PLEKHA5: variants seen among roughly 807,000 people sequenced by gnomAD.
PLEKHA5 encodes the protein pleckstrin homology domain containing A5.
PLEKHA5 carries 55 observed loss-of-function variants against 181.9 expected under a neutral mutation model. That is an observed-to-expected ratio of 0.30 (90% confidence interval 0.24 to 0.38). PLEKHA5 has a LOEUF of 0.38. PLEKHA5 is among the 10% of genes least tolerant of loss of function. The probability of loss-of-function intolerance (pLI) is 1.00; values close to 1 mark genes in which losing one functional copy is unlikely to be tolerated. For synonymous variants in PLEKHA5, 535 were observed against 529.4 expected, an observed-to-expected ratio of 1.01 and a Z score of -0.15; for missense variants, 1,432 against 1,549.5, an observed-to-expected ratio of 0.92 and a Z score of 1.27.
chr12:19,324,289 T>G (rs1389840920), intron 20 of PLEKHA5, among the ~76,000 whole-genome samples: 1 of 152,238 alleles, frequency 6.6e-6, no homozygotes, highest in African/African-American at 2.4e-5. Flanking sequence ...TTTGAGGAAT[T>G]CTTAAATACC....
chr12:19,318,696 G>C (rs1189767528), intron 16 of PLEKHA5, among the ~76,000 whole-genome samples: 2 of 152,164 alleles, frequency 1.3e-5, no homozygotes, highest in Non-Finnish European at 2.9e-5. Context: ...GCCAAGATGG[G>C]AGGATCACTT....
At chr12:19,314,695 GT>G in intron 15 of PLEKHA5, 118 bp from the exon 16 acceptor site, 1 of 691,714 alleles carries the variant, frequency 1.4e-6, no homozygotes, top group South Asian at 1.5e-5. Context: ...GGGGTAAAAT[GT>G]AAACAACTGC....
chr12:19,172,634 T>G (rs1436657945), intron 3 of PLEKHA5, among the ~76,000 whole-genome samples: 1 of 152,250 alleles, frequency 6.6e-6, no homozygotes, highest in Non-Finnish European at 1.5e-5. Context: ...GACAACTGTT[T>G]GCTTGATTAA....
chr12:19,199,601 C>T (rs774363969), intron 3 of PLEKHA5, among the ~76,000 whole-genome samples: 1 of 152,122 alleles, frequency 6.6e-6, no homozygotes, highest in Non-Finnish European at 1.5e-5. Context: ...CAGTAGCCAA[C>T]CACACTTAGA....
intron 3 of PLEKHA5, among the ~76,000 whole-genome samples, chr12:19,162,715 A>G (rs568052881): frequency 1.5e-4 from 23 of 152,290 alleles, no homozygotes; most frequent in Non-Finnish European, 2.8e-4. Flanking sequence ...AAGTCATTCA[A>G]TCTCCCTGCC....
chr12:19,195,203 C>G (rs1261607476), intron 3 of PLEKHA5, among the ~76,000 whole-genome samples: 1 of 152,156 alleles, frequency 6.6e-6, no homozygotes, highest in East Asian at 1.9e-4. Context: ...TCTCTCCATA[C>G]CACACTGCTA....
chr12:19,188,718 G>T (rs1028070866), intron 3 of PLEKHA5, among the ~76,000 whole-genome samples: 5 of 152,120 alleles, frequency 3.3e-5, no homozygotes, highest in African/African-American at 9.7e-5. Context: ...AAAGACAAAA[G>T]AACAGATTTA....
intron 15 of PLEKHA5, among the ~76,000 whole-genome samples, chr12:19,298,752 A>T (rs1219636584): frequency 1.3e-5 from 2 of 152,158 alleles, no homozygotes; most frequent in Non-Finnish European, 2.9e-5. Flanking sequence ...AATGGTTCAG[A>T]ATATCAGTTG....
intron 3 of PLEKHA5, among the ~76,000 whole-genome samples, chr12:19,160,787 A>G (rs186869754): frequency 6.6e-6 from 1 of 152,238 alleles, no homozygotes; most frequent in East Asian, 1.9e-4. Context: ...TGCTGGGTCA[A>G]TGTATGTTTT....
Position 19,141,603 on chromosome 12 carries a change from G to T in PLEKHA5, c.227+9153G>T, listed in dbSNP as rs2037328705. 3.9e-5 allele frequency among the ~76,000 whole-genome samples: 6 copies of T among 152,344 alleles called. No individual in the cohort carries two copies. The South Asian group carries it at 1.2e-3, about 32-fold the overall frequency. ...GATATTCAGGGAAGCTTTTTGCCTT[G>T]TGTTGCAGAAGTAATAGTTGAAGTT... On this transcript the variant is annotated intron_variant, in intron 3 of 31. Transcript: ENST00000429027.
chr12:19,238,160 A>G (rs913700650), intron 3 of PLEKHA5, among the ~76,000 whole-genome samples: 1 of 152,040 alleles, frequency 6.6e-6, no homozygotes, highest in African/African-American at 2.4e-5. Context: ...TTGCTACTCT[A>G]GTTTTCAAGT....
At chr12:19,355,128 A>G (rs537329376) in intron 26 of PLEKHA5, among the ~76,000 whole-genome samples, 1 of 152,298 alleles carries the variant, frequency 6.6e-6, no homozygotes, top group South Asian at 2.1e-4. Flanking sequence ...TTACATTTTC[A>G]TCTGAGATTC....
chr12:19,144,360 A>G (rs2038300651), intron 3 of PLEKHA5, among the ~76,000 whole-genome samples: 1 of 152,186 alleles, frequency 6.6e-6, no homozygotes, highest in South Asian at 2.1e-4. Context: ...GTCTGGAACA[A>G]ACACCAGCGT....
intron 3 of PLEKHA5, among the ~76,000 whole-genome samples, chr12:19,142,529 A>G (rs1295324420): frequency 6.6e-6 from 1 of 152,226 alleles, no homozygotes; most frequent in African/African-American, 2.4e-5. Flanking sequence ...TCTCTGTGGA[A>G]AACACATCTG....
intron 3 of PLEKHA5, among the ~76,000 whole-genome samples, chr12:19,144,141 G>A (rs1287855823): frequency 6.6e-6 from 1 of 152,118 alleles, no homozygotes; most frequent in African/African-American, 2.4e-5. Context: ...AATTTGAAAG[G>A]TAACTGATAG....
At chr12:19,359,602 AT>A in intron 28 of PLEKHA5, 56 bp downstream of exon 28, 2 of 1,482,750 alleles carry the variant, frequency 1.3e-6, no homozygotes, top group South Asian at 2.3e-5. Flanking sequence ...TGAAGATTAA[AT>A]CAAGTGGTAA....
chr12:19,176,985 G>A (rs1015143983), intron 3 of PLEKHA5, among the ~76,000 whole-genome samples: 11 of 151,818 alleles, frequency 7.2e-5, no homozygotes, highest in African/African-American at 9.7e-5. Context: ...CTCCCGCCTC[G>A]GCCTCCTGAG....
intron 3 of PLEKHA5, among the ~76,000 whole-genome samples, chr12:19,136,305 AGAGTTT>A (rs1308763442): frequency 2.0e-5 from 3 of 152,302 alleles, no homozygotes; most frequent in South Asian, 2.1e-4. Context: ...TACATTACAC[AGAGTTT>A]GAGTTTGATT....
At chr12:19,298,225 CAG>C (rs1347825192) in intron 15 of PLEKHA5, among the ~76,000 whole-genome samples, 5 of 151,708 alleles carry the variant, frequency 3.3e-5, no homozygotes, top group Non-Finnish European at 7.4e-5. Flanking sequence ...GTAGGAGGGA[CAG>C]AGATAAAACT....
Sources: allele counts gnomAD v4.1 joint callset (sites outside exome capture counted in the v4.1 genomes callset), GRCh38; gene constraint gnomAD v4.1.1; transcripts MANE v1.5; gene names NCBI Gene and HGNC (gene_info 2026-07-23, HGNC 2026-07-21).